Variants in MAP2K6 observed in about 807,000 individuals in gnomAD.
MAP2K6 encodes the protein mitogen-activated protein kinase kinase 6, also known as dual specificity mitogen-activated protein kinase kinase 6.
Under a neutral mutation model 53.7 loss-of-function variants are expected in MAP2K6, and 16 were observed. The ratio of observed to expected loss-of-function variants is 0.30; its 90% CI spans 0.20 to 0.45. The LOEUF (loss-of-function observed/expected upper bound fraction) is 0.45, where lower values mean the gene tolerates loss of function less well. Ranked by LOEUF, MAP2K6 falls within the 20% of genes least tolerant of loss-of-function variation. MAP2K6 has a pLI of 1.00. For missense variants in MAP2K6, 204 were observed against 411.9 expected, an observed-to-expected ratio of 0.50 and a Z score of 4.37; for synonymous variants, 132 against 143.1, an observed-to-expected ratio of 0.92 and a Z score of 0.55.
chr17:69,443,369 C>T (rs1296024607), intron 1 of MAP2K6, among the ~76,000 whole-genome samples: 2 of 152,082 alleles, frequency 1.3e-5, no homozygotes, highest in Non-Finnish European at 2.9e-5. Context: ...GTAGTTCTTC[C>T]CATTTGGCCA....
chr17:69,524,232 A>G (rs1910644089), intron 8 of MAP2K6, among the ~76,000 whole-genome samples: 1 of 152,210 alleles, frequency 6.6e-6, no homozygotes. Context: ...GTTATTTGAA[A>G]AAATATATAC....
At chr17:69,523,279 T>C (rs1007861869) in intron 7 of MAP2K6, among the ~76,000 whole-genome samples, 1 of 152,200 alleles carries the variant, frequency 6.6e-6, no homozygotes, top group Non-Finnish European at 1.5e-5. Flanking sequence ...AAACAGTTCT[T>C]TGTATGGAGA....
chr17:69,529,504 ATTTTTT>A (rs10566943), intron 10 of MAP2K6, among the ~76,000 whole-genome samples: 1 of 98,388 alleles, frequency 1.0e-5, no homozygotes. Flanking sequence ...ATGGTTTTTA[ATTTTTT>A]TTTTTTTTTT....
chr17:69,523,816 C>T (rs142572429), intron 8 of MAP2K6, among the ~76,000 whole-genome samples, 175 bp downstream of exon 8: 6 of 152,260 alleles, frequency 3.9e-5, no homozygotes, highest in Non-Finnish European at 8.8e-5. Flanking sequence ...TCACTTGCTT[C>T]GTATATTGTC....
chr17:69,447,168 G>A (rs1184820033), intron 1 of MAP2K6, among the ~76,000 whole-genome samples: 2 of 151,712 alleles, frequency 1.3e-5, no homozygotes, highest in Non-Finnish European at 2.9e-5. Flanking sequence ...TAATAGAGAC[G>A]GGGTTTCACT....
intron 1 of MAP2K6, among the ~76,000 whole-genome samples, chr17:69,490,409 G>A (rs1005577275): frequency 3.9e-5 from 6 of 152,212 alleles, no homozygotes; most frequent in East Asian, 1.9e-4. Context: ...TGTTTCTGTC[G>A]CCACTAGCAA....
At chr17:69,478,018 G>T (rs1908212812) in intron 1 of MAP2K6, among the ~76,000 whole-genome samples, 2 of 152,182 alleles carry the variant, frequency 1.3e-5, no homozygotes, top group South Asian at 4.1e-4. Context: ...TGTTAAAGGT[G>T]GCAAGATTAG....
chr17:69,495,606 T>C (rs1908917804), intron 1 of MAP2K6, among the ~76,000 whole-genome samples: 1 of 152,156 alleles, frequency 6.6e-6, no homozygotes, highest in African/African-American at 2.4e-5. Context: ...CACTCAGCTT[T>C]GACAATGACC....
At chr17:69,519,258 T>C in intron 4 of MAP2K6, 55 bp from the exon 5 acceptor site, 1 of 1,577,162 alleles carries the variant, frequency 6.3e-7, no homozygotes, top group Non-Finnish European at 8.6e-7. Context: ...TTCAGGTCCC[T>C]GCCTGCCTCA....
At chr17:69,477,139 G>A (rs1246153617) in intron 1 of MAP2K6, 2 of 152,186 alleles carry the variant, frequency 1.3e-5, no homozygotes, top group African/African-American at 4.8e-5. Flanking sequence ...ATAAAGAATT[G>A]CATGCAAGAG....
rs768675997 is a variant in MAP2K6 at position 69,502,200 on chromosome 17, G to C, written c.17-3580G>C. ...CCCTTCCTGAAGCTGCAATTTCCTC[G>C]GAACAATGAGCTTGCAGAGGTTTGC... On this transcript the variant is annotated intron_variant, in intron 1 of 11. Transcript: ENST00000590474. 9.8e-5 allele frequency: 97 copies of C among 985,402 alleles called. 1 individual carries two copies. The highest frequency in any genetic ancestry group is 1.1e-4 in the Non-Finnish European group (94 of 829,954). The allele number at this position is 985,402 out of a possible 1,614,324, so 61.0% of individuals were successfully genotyped here.
intron 1 of MAP2K6, among the ~76,000 whole-genome samples, chr17:69,419,692 C>T (rs183930461): frequency 7.9e-5 from 12 of 152,074 alleles, no homozygotes; most frequent in East Asian, 3.9e-4. Context: ...TTTGGGAGGC[C>T]GAGGCAAGTG....
chr17:69,498,663 C>CAT (rs1386160846), intron 1 of MAP2K6, among the ~76,000 whole-genome samples: 1 of 151,450 alleles, frequency 6.6e-6, no homozygotes, highest in East Asian at 1.9e-4. Context: ...CACACACACA[C>CAT]ACACACACAC....
In MAP2K6 at chr17:69,520,364, T is replaced by C. The variant is rs1910400537; in HGVS notation, c.461T>C (p.Ile154Thr). ...IDKGQTIPED[I>T]LGKIAVSIVK... ...AAAGGCCAGACAATTCCAGAGGACA[T>C]CTTAGGGAAAATAGCAGTTTCTGTG... The change falls in exon 6 of 12, where the codon ATC (isoleucine) becomes ACC (threonine). Residue 154 changes from isoleucine (I) to threonine (T), a missense_variant. Coordinates refer to ENST00000590474, the MANE Select transcript of MAP2K6 (RefSeq NM_002758.4). 7 of 1,605,800 alleles carry C rather than the reference T, an allele frequency of 4.4e-6. No homozygotes were observed. Among genetic ancestry groups the C allele is most frequent in the Non-Finnish European group, 4.3e-6 (5 of 1,175,866 alleles).
rs1448097553 is a variant in MAP2K6 at position 69,512,337 on chromosome 17, TTG to T, written c.84-4516_84-4515del. 1.6e-3 allele frequency among the ~76,000 whole-genome samples: 117 copies of T among 73,604 alleles called. 24 individuals are homozygous for T. Among genetic ancestry groups the T allele is most frequent in the African/African-American group, 5.9e-3 (92 of 15,634 alleles). The allele number at this position is 73,604 out of a possible 152,430, so 48.3% of individuals were successfully genotyped here. A position where few individuals can be genotyped will look rare whatever the true frequency, so the allele number is the denominator to read the frequency against. On this transcript the variant is annotated intron_variant, in intron 2 of 11. Transcript: ENST00000590474. ...CATTGTCTTTCTAAGTGTTTTTTTT[TTG>T]TTTTTTTTTTTTTTTTTTGAGACAG...
rs2145206674 is a variant in MAP2K6, at chr17:69,494,829, A to G, written c.17-10951A>G. 6.6e-6 allele frequency among the ~76,000 whole-genome samples: 1 copy of G among 151,932 alleles called. No homozygotes were observed. Among genetic ancestry groups the G allele is most frequent in the South Asian group, 2.1e-4 (1 of 4,798 alleles). ...GAGACCAGCCTGGCCAACATGGCGA[A>G]ACCCTGTTTCTACTAAAAATACAAA... On this transcript the variant is annotated intron_variant, in intron 1 of 11. Coordinates refer to ENST00000590474, the MANE Select transcript of MAP2K6 (RefSeq NM_002758.4). The surrounding 1 kb of genome is among the most constrained non-coding windows in gnomAD (Gnocchi z 4.2).
intron 1 of MAP2K6, among the ~76,000 whole-genome samples, chr17:69,476,192 C>T (rs1033235040): frequency 6.6e-6 from 1 of 152,036 alleles, no homozygotes; most frequent in African/African-American, 2.4e-5. Flanking sequence ...GTATAGTATA[C>T]ATACGGTCAT....
chr17:69,423,310 G>A (rs1906156944), intron 1 of MAP2K6, among the ~76,000 whole-genome samples: 3 of 152,040 alleles, frequency 2.0e-5, no homozygotes, highest in African/African-American at 4.8e-5. Flanking sequence ...ATTCAGCATC[G>A]ACAAACAAAG....
chr17:69,515,107 C>T (rs1177250532), intron 2 of MAP2K6, among the ~76,000 whole-genome samples: 1 of 151,742 alleles, frequency 6.6e-6, no homozygotes, highest in East Asian at 1.9e-4. Flanking sequence ...CGTCTTTAGC[C>T]TCTAGTTGTT....
Sources: gnomAD v4.1 joint callset for allele counts (sites outside exome capture counted in the v4.1 genomes callset) on GRCh38, gnomAD v4.1.1 for gene constraint, Gnocchi (gnomAD v3.1) non-coding constraint, MANE v1.5 for transcripts, NCBI Gene and HGNC (gene_info 2026-07-23, HGNC 2026-07-21) for gene names.